PACSIN2: variants seen among roughly 807,000 people sequenced by gnomAD.
PACSIN2 encodes the protein protein kinase C and casein kinase substrate in neurons protein 2.
A neutral mutation model predicts 63.8 loss-of-function variants in PACSIN2; 25 were observed. That is an observed-to-expected ratio of 0.39 (90% CI 0.29 to 0.55). PACSIN2 has a LOEUF of 0.55. Ranked by LOEUF, PACSIN2 falls within the 20% of genes least tolerant of loss-of-function variation. PACSIN2 has a pLI of 0.62. For synonymous variants in PACSIN2, 255 were observed against 256.2 expected, an observed-to-expected ratio of 1.00 and a Z score of 0.05; for missense variants, 518 against 646.9, an observed-to-expected ratio of 0.80 and a Z score of 2.16.
intron 1 of PACSIN2, among the ~76,000 whole-genome samples, chr22:42,957,421 T>TC (rs1933960250): frequency 1.1e-5 from 1 of 91,042 alleles, no homozygotes. Context: ...CTCCCCAAGG[T>TC]ATTTTAAGGT....
At chr22:42,880,147 G>C (rs1928964991) in intron 7 of PACSIN2, among the ~76,000 whole-genome samples, 1 of 152,154 alleles carries the variant, frequency 6.6e-6, no homozygotes, top group East Asian at 1.9e-4. Flanking sequence ...TGAGTCCACG[G>C]CTCTGCTCAC....
intron 2 of PACSIN2, among the ~76,000 whole-genome samples, chr22:42,894,019 A>G (rs1057493337): frequency 1.4e-4 from 21 of 152,064 alleles, no homozygotes; most frequent in Non-Finnish European, 2.9e-4. Flanking sequence ...GTCATCCATC[A>G]TGTGCTGGGT....
At chr22:42,899,502 T>A (rs1461770320) in intron 2 of PACSIN2, among the ~76,000 whole-genome samples, 2 of 152,156 alleles carry the variant, frequency 1.3e-5, no homozygotes, top group African/African-American at 4.8e-5. Flanking sequence ...GCAAGGCAGC[T>A]CTACGCCTGT....
chr22:42,971,233 G>A (rs1002139911), intron 1 of PACSIN2, among the ~76,000 whole-genome samples: 1 of 152,198 alleles, frequency 6.6e-6, no homozygotes, highest in Non-Finnish European at 1.5e-5. Flanking sequence ...TTGCAGGCGC[G>A]CGCCGCCACG....
At chr22:42,928,512 T>C (rs1331404777) in intron 1 of PACSIN2, among the ~76,000 whole-genome samples, 2 of 152,244 alleles carry the variant, frequency 1.3e-5, no homozygotes, top group South Asian at 2.1e-4. Flanking sequence ...TAAGCCTCAT[T>C]TGTGAAATTT....
intron 6 of PACSIN2, 92 bp downstream of exon 6, chr22:42,884,294 A>G: frequency 3.2e-6 from 4 of 1,238,354 alleles, no homozygotes; most frequent in Non-Finnish European, 4.6e-6. Context: ...TGAACGCGCC[A>G]TCCCAAACCT....
chr22:42,884,121 C>T (rs1386460680), intron 6 of PACSIN2, among the ~76,000 whole-genome samples: 4 of 152,218 alleles, frequency 2.6e-5, no homozygotes, highest in Non-Finnish European at 5.9e-5. Context: ...AGAGTGGGCC[C>T]GGCCTTATCT....
chr22:42,994,861 G>A (rs1381524177), intron 1 of PACSIN2, among the ~76,000 whole-genome samples: 1 of 152,216 alleles, frequency 6.6e-6, no homozygotes, highest in Non-Finnish European at 1.5e-5. Flanking sequence ...GCCAGCGAAT[G>A]CAGCTGCCTC....
rs971752239 is a variant in PACSIN2, at chr22:42,869,835, A to G, written c.*1522T>C. 2 of 152,350 alleles carry G rather than the reference A, an allele frequency of 1.3e-5. No individual in the cohort carries two copies. The highest frequency in any genetic ancestry group is 6.5e-5 in the Admixed American group (1 of 15,292). The allele number at this position is 152,350 out of a possible 1,614,324, so 9.4% of individuals were successfully genotyped here. A position where few individuals can be genotyped will look rare whatever the true frequency, so the allele number is the denominator to read the frequency against. On this transcript the variant is annotated 3_prime_UTR_variant, in exon 11 of 11. Coordinates refer to ENST00000263246, the MANE Select transcript of PACSIN2 (RefSeq NM_001184970.3). ...ATACTACACATGTAAAGGAACTGTT[A>G]AACTGAAAAAGACTTGACAATTTTT... is the stretch of plus-strand genomic sequence containing the variant.
rs151206964 is a variant in PACSIN2 at position 42,880,414 on chromosome 22, T to C, written c.907-1245A>G. On this transcript the variant is annotated intron_variant, in intron 7 of 10. Coordinates refer to ENST00000263246, the MANE Select transcript of PACSIN2 (RefSeq NM_001184970.3). Reference sequence around the variant, plus strand: ...GTGACCTCTGAATATAAATTCATCCTGATTGGGTGGCTTCCAAAGGCCAAT... The same window carrying C: ...GTGACCTCTGAATATAAATTCATCCCGATTGGGTGGCTTCCAAAGGCCAAT... Among the ~76,000 whole-genome samples the C allele has an allele frequency of 5.8e-3, 886 of 152,352 alleles. 3 individuals carry two copies. Among genetic ancestry groups the C allele is most frequent in the African/African-American group, 0.02 (836 of 41,588 alleles).
intron 1 of PACSIN2, among the ~76,000 whole-genome samples, chr22:42,932,461 A>C (rs1932800707): frequency 6.6e-6 from 1 of 152,200 alleles, no homozygotes; most frequent in Non-Finnish European, 1.5e-5. Context: ...AGCGTATCTC[A>C]CATATGACAA....
At chr22:43,007,974 C>T (rs939240372) in intron 1 of PACSIN2, among the ~76,000 whole-genome samples, 3 of 152,166 alleles carry the variant, frequency 2.0e-5, no homozygotes, top group Non-Finnish European at 2.9e-5. Context: ...GGTACTTCCA[C>T]GGGCAGCTTA....
chr22:42,888,265 C>G (rs1459414313), intron 5 of PACSIN2, among the ~76,000 whole-genome samples: 1 of 152,122 alleles, frequency 6.6e-6, no homozygotes, highest in Non-Finnish European at 1.5e-5. Flanking sequence ...CCATTCACAC[C>G]CACCACTGGC....
Position 42,897,676 on chromosome 22 carries a change from G to GTT in PACSIN2, c.61-4064_61-4063insAA. On this transcript the variant is annotated intron_variant, in intron 2 of 10. Transcript: ENST00000263246. ...CCTGAGGGACTGCCTGGCAGACGGAGGGCCAAGCATGTACCTACTGAGGGA... is the reference window on the plus strand; with the variant it reads ...CCTGAGGGACTGCCTGGCAGACGGAGTTGGCCAAGCATGTACCTACTGAGGGA... Among the ~76,000 whole-genome samples the GTT allele has an allele frequency of 2.0e-5, 3 of 152,336 alleles. No individual in the cohort carries two copies. In the Middle Eastern group the frequency reaches 0.01, roughly 518 times the overall value.
chr22:42,986,500 C>A (rs1054423390), intron 1 of PACSIN2, among the ~76,000 whole-genome samples: 1 of 152,188 alleles, frequency 6.6e-6, no homozygotes, highest in African/African-American at 2.4e-5. Flanking sequence ...TCTCACCACC[C>A]GCCACTTCAG....
rs146908426 is a variant in PACSIN2, at chr22:42,916,981, C to T, written c.-77-4824G>A. ...GGATAAGCACTTTTGGTGACGCTGC[C>T]ACCTGCCACTGTGACCTTGCCACCA... On this transcript the variant is annotated intron_variant, in intron 1 of 10. Coordinates refer to ENST00000263246, the MANE Select transcript of PACSIN2 (RefSeq NM_001184970.3). Among the ~76,000 whole-genome samples the T allele has an allele frequency of 2.1e-3, 315 of 152,242 alleles. 1 individual carries two copies. The highest frequency in any genetic ancestry group is 7.1e-3 in the African/African-American group (294 of 41,532).
chr22:42,938,002 C>A (rs1005692478), intron 1 of PACSIN2, among the ~76,000 whole-genome samples: 7 of 152,308 alleles, frequency 4.6e-5, no homozygotes, highest in African/African-American at 1.7e-4. Context: ...TTGCTCCCTG[C>A]CCTCTACCCA....
chr22:42,873,564 G>A (rs1337987466), intron 10 of PACSIN2, among the ~76,000 whole-genome samples: 1 of 152,216 alleles, frequency 6.6e-6, no homozygotes, highest in African/African-American at 2.4e-5. Flanking sequence ...TGAGTCAGGG[G>A]TTGGGGTGGT....
intron 1 of PACSIN2, among the ~76,000 whole-genome samples, chr22:42,964,989 G>C (rs536405604): frequency 6.6e-5 from 10 of 152,310 alleles, no homozygotes; most frequent in Middle Eastern, 6.8e-3. Context: ...TGAAAGATGG[G>C]GAGGGCATGC....
Sources: allele counts gnomAD v4.1 joint callset (sites outside exome capture counted in the v4.1 genomes callset), GRCh38; gene constraint gnomAD v4.1.1; transcripts MANE v1.5; gene names NCBI Gene and HGNC (gene_info 2026-07-23, HGNC 2026-07-21).